Variants in COL21A1 observed in about 807,000 individuals in gnomAD.
COL21A1 encodes collagen alpha-1(XXI) chain.
A neutral mutation model predicts 137.9 loss-of-function variants in COL21A1; 149 were observed. The ratio of observed to expected loss-of-function variants is 1.08; its 90% CI spans 0.95 to 1.24. COL21A1 has a LOEUF of 1.24. Among genes scored for constraint, COL21A1 ranks in the 50% most tolerant of loss-of-function variants. The pLI is 0.00. For missense variants in COL21A1, 1,167 were observed against 1,158.4 expected, an observed-to-expected ratio of 1.01 and a Z score of -0.11; for synonymous variants, 456 against 391.5, an observed-to-expected ratio of 1.16 and a Z score of -1.95.
At chr6:56,142,980 T>A (rs1173658025) in intron 10 of COL21A1, among the ~76,000 whole-genome samples, 1 of 152,182 alleles carries the variant, frequency 6.6e-6, no homozygotes, top group Non-Finnish European at 1.5e-5. Context: ...CATCTGTCAA[T>A]ATGTTTTTAA....
chr6:56,179,844 T>A lies in COL21A1; in HGVS notation c.374A>T (p.Asp125Val). ...KTGKAIQFAL[D>V]YLFAKSSRFL... is the part of the protein sequence containing the mutation. ...TCGTGAGGACTTGGCAAAAAGGTAATCGAGCGCAAACTGGATGGCCTTCCC... is the reference window on the plus strand; with the variant it reads ...TCGTGAGGACTTGGCAAAAAGGTAAACGAGCGCAAACTGGATGGCCTTCCC... The change falls in exon 3 of 30, where the codon GAT becomes GTT. Residue 125 changes from aspartate (D) to valine (V), a missense_variant. By Grantham distance (152) the Asp-to-Val change is radical. Transcript: ENST00000244728. The A allele has an allele frequency of 1.2e-6, 2 of 1,613,936 alleles. No individual in the cohort carries two copies. The highest frequency in any genetic ancestry group is 1.7e-6 in the Non-Finnish European group (2 of 1,179,872).
intron 1 of COL21A1, among the ~76,000 whole-genome samples, chr6:56,272,775 T>G (rs1288255692): frequency 6.6e-6 from 1 of 152,120 alleles, no homozygotes; most frequent in Non-Finnish European, 1.5e-5. Flanking sequence ...CTGAACTCTC[T>G]CTCTCTCCTG....
intron 20 of COL21A1, among the ~76,000 whole-genome samples, chr6:56,072,789 T>C (rs192372600): frequency 7.3e-5 from 11 of 151,624 alleles, no homozygotes; most frequent in East Asian, 1.9e-4. Context: ...CAACACCTAA[T>C]ATACAGCAAG....
At chr6:56,353,540 G>A (rs527257239) in intron 1 of COL21A1, among the ~76,000 whole-genome samples, 1 of 152,242 alleles carries the variant, frequency 6.6e-6, no homozygotes, top group African/African-American at 2.4e-5. Context: ...GCTTAGCTTA[G>A]TTCATTCAAC....
At chr6:56,097,948 A>AATATAAAAAT (rs1769624155) in intron 17 of COL21A1, among the ~76,000 whole-genome samples, 2 of 71,922 alleles carry the variant, frequency 2.8e-5, no homozygotes, top group South Asian at 8.3e-4. Flanking sequence ...AATATATATA[A>AATATAAAAAT]ATATAAAAAT....
chr6:56,260,434 C>T (rs1056232950), intron 1 of COL21A1, among the ~76,000 whole-genome samples: 6 of 151,414 alleles, frequency 4.0e-5, no homozygotes, highest in East Asian at 1.9e-4. Flanking sequence ...ATTAGCCAGG[C>T]GTGGTGGCAT....
chr6:56,076,332 T>C (rs758303718), intron 18 of COL21A1, among the ~76,000 whole-genome samples: 1 of 151,326 alleles, frequency 6.6e-6, no homozygotes, highest in East Asian at 1.9e-4. Flanking sequence ...TAAATTAAGA[T>C]GAAGCAATGA....
chr6:56,227,625 A>G (rs78463787), intron 1 of COL21A1, among the ~76,000 whole-genome samples: 2,189 of 152,100 alleles, frequency 0.014, 29 homozygotes, highest in Middle Eastern at 0.038. Flanking sequence ...TTTAATACAT[A>G]TTTTCCCACT....
At chr6:56,171,220 TCTA>T in intron 3 of COL21A1, 92 bp from the exon 4 acceptor site, 11 of 756,234 alleles carry the variant, frequency 1.5e-5, no homozygotes, top group Middle Eastern at 4.0e-4. Context: ...AATATAGTAT[TCTA>T]TCATTAGAAT....
At chr6:56,376,842 C>A (rs111531012) in intron 1 of COL21A1, among the ~76,000 whole-genome samples, 13 of 107,226 alleles carry the variant, frequency 1.2e-4, no homozygotes, top group Admixed American at 8.0e-4. Context: ...CCCCACCCCC[C>A]CCAAACAAGG....
At chr6:56,214,919 AG>A (rs1780389043) in intron 1 of COL21A1, among the ~76,000 whole-genome samples, 1 of 152,140 alleles carries the variant, frequency 6.6e-6, no homozygotes, top group African/African-American at 2.4e-5. Context: ...ACAAATAAAA[AG>A]AGCCAAAGGG....
Position 56,195,407 on chromosome 6 carries a change from G to A in COL21A1, c.-38-12751C>T, listed in dbSNP as rs545773416. 2.0e-5 allele frequency among the ~76,000 whole-genome samples: 3 copies of A among 152,108 alleles called. No individual in the cohort carries two copies. The East Asian group carries it at 5.8e-4, about 29-fold the overall frequency. ...TATCTCCCTGGTTTTAAGAATCTGA[G>A]CCCCAGTCTCTCTGTCTTCCTGAAA... On this transcript the variant is annotated intron_variant, in intron 1 of 29. Transcript: ENST00000244728.
At chr6:56,342,917 G>C (rs965045345) in intron 1 of COL21A1, among the ~76,000 whole-genome samples, 2 of 152,182 alleles carry the variant, frequency 1.3e-5, no homozygotes, top group Non-Finnish European at 2.9e-5. Flanking sequence ...TGGGATTCCA[G>C]TCACTTTCTC....
rs1022688978 is a variant in COL21A1, at chr6:56,313,998, TAGAG to T, written c.-39+79969_-39+79972del. On this transcript the variant is annotated intron_variant, in intron 1 of 28. Transcript: ENST00000370819. ...GAAATCAATAAAGAAGGTATATATA[TAGAG>T]AGAGACATAGTATCACTCTGTCACC... 1.1e-4 allele frequency among the ~76,000 whole-genome samples: 17 copies of T among 152,302 alleles called. No individual in the cohort carries two copies. In the East Asian group the frequency reaches 1.9e-3, roughly 17 times the overall value.
At chr6:56,257,253 G>T (rs1763108948) in intron 1 of COL21A1, among the ~76,000 whole-genome samples, 2 of 152,144 alleles carry the variant, frequency 1.3e-5, no homozygotes, top group Admixed American at 1.3e-4. Flanking sequence ...TTAAGGCAGG[G>T]TACTATGGAG....
At position 56,077,556 on chromosome 6, in the gene COL21A1, A is replaced by G; in HGVS notation, c.1830T>C (p.Pro610=). ...TRGEPGIPGF[P]GNRGLMGQKG... is the part of the protein sequence containing the mutation. ...TTTGGCCCATTAATCCTCGGTTTCC[A>G]GGAAATCCTGGGATTCCCTAAAAAC... The change falls in exon 18 of 30, where the codon CCT becomes CCC. Residue 610 remains proline, a synonymous_variant. Transcript: ENST00000244728. The G allele has an allele frequency of 1.3e-6, 2 of 1,578,442 alleles. No individual in the cohort carries two copies. The highest frequency in any genetic ancestry group is 1.7e-6 in the Non-Finnish European group (2 of 1,161,180).
At chr6:56,141,140 C>G (rs1227662023) in intron 12 of COL21A1, among the ~76,000 whole-genome samples, 7 of 152,032 alleles carry the variant, frequency 4.6e-5, no homozygotes, top group Non-Finnish European at 1.0e-4. Flanking sequence ...ATTTGCACTC[C>G]CATTTTATTG....
At chr6:56,130,334 G>C (rs966036661) in intron 12 of COL21A1, among the ~76,000 whole-genome samples, 17 of 151,182 alleles carry the variant, frequency 1.1e-4, no homozygotes, top group Middle Eastern at 3.4e-3. Context: ...TTCTGAGAGA[G>C]AGAAAGAGGA....
intron 16 of COL21A1, among the ~76,000 whole-genome samples, chr6:56,110,592 G>A (rs1771338190): frequency 6.6e-6 from 1 of 151,622 alleles, no homozygotes; most frequent in African/African-American, 2.4e-5. Flanking sequence ...AAAAACCTGA[G>A]AAATCAACAA....
Sources: gnomAD v4.1 joint callset for allele counts (sites outside exome capture counted in the v4.1 genomes callset) on GRCh38, gnomAD v4.1.1 for gene constraint, MANE v1.5 for transcripts, NCBI Gene and HGNC (gene_info 2026-07-23, HGNC 2026-07-21) for gene names.